SORCS2: variants seen among roughly 807,000 people sequenced by gnomAD.
The protein encoded by SORCS2 is sortilin related VPS10 domain containing receptor 2.
SORCS2 carries 100 observed loss-of-function variants against 141.6 expected under a neutral mutation model. The observed-to-expected ratio is 0.71, with a 90% confidence interval of 0.60 to 0.83. The LOEUF is 0.83. Among genes scored for constraint, SORCS2 ranks in the 40% least tolerant of loss-of-function variants. The pLI, the probability that SORCS2 is intolerant of heterozygous loss-of-function variation, is 0.00. For synonymous variants in SORCS2, 789 were observed against 676.9 expected (o/e 1.17, Z -2.57); for missense variants, 1,646 against 1,560.2 (o/e 1.05, Z -0.93).
At chr4:7,606,420 C>T (rs1409039811) in intron 3 of SORCS2, among the ~76,000 whole-genome samples, 3 of 152,180 alleles carry the variant, frequency 2.0e-5, no homozygotes, top group Non-Finnish European at 2.9e-5. Context: ...AACAGTTACA[C>T]AGTATCCTGG....
intron 14 of SORCS2, among the ~76,000 whole-genome samples, chr4:7,706,523 G>C (rs1725472865): frequency 7.1e-6 from 1 of 141,612 alleles, no homozygotes; most frequent in East Asian, 2.2e-4. Flanking sequence ...GATGAGGCTG[G>C]GCTCTGTCTG....
chr4:7,510,444 G>T (rs1013336718), intron 2 of SORCS2, among the ~76,000 whole-genome samples: 2 of 152,216 alleles, frequency 1.3e-5, no homozygotes, highest in Admixed American at 1.3e-4. Flanking sequence ...GGTTGGCCAG[G>T]ACAGCCGAGG....
chr4:7,376,487 G>A (rs1722664073), intron 1 of SORCS2, among the ~76,000 whole-genome samples: 1 of 152,176 alleles, frequency 6.6e-6, no homozygotes, highest in African/African-American at 2.4e-5. Flanking sequence ...TGAGGCAGGA[G>A]AATCGCTTGA....
At chr4:7,413,668 G>A (rs554068828) in intron 2 of SORCS2, among the ~76,000 whole-genome samples, 2 of 152,088 alleles carry the variant, frequency 1.3e-5, no homozygotes, top group African/African-American at 2.4e-5. Context: ...GATTACAGGC[G>A]TGAGCCACTG....
At chr4:7,357,841 G>C (rs556654774) in intron 1 of SORCS2, among the ~76,000 whole-genome samples, 1 of 152,182 alleles carries the variant, frequency 6.6e-6, no homozygotes, top group Admixed American at 6.5e-5. Flanking sequence ...TGTGTTTGGC[G>C]TGGGTGGGGG....
chr4:7,363,018 C>A (rs1721680434), intron 1 of SORCS2, among the ~76,000 whole-genome samples: 1 of 149,568 alleles, frequency 6.7e-6, no homozygotes, highest in South Asian at 2.1e-4. Flanking sequence ...ATCATCATCA[C>A]CATCACCATA....
chr4:7,588,317 G>A (rs1447073499), intron 3 of SORCS2, among the ~76,000 whole-genome samples: 2 of 152,172 alleles, frequency 1.3e-5, no homozygotes, highest in Non-Finnish European at 2.9e-5. Flanking sequence ...GAACTTTCAT[G>A]CGGTTGTTGG....
intron 2 of SORCS2, among the ~76,000 whole-genome samples, chr4:7,439,781 A>G (rs1185491454): frequency 3.9e-5 from 6 of 152,132 alleles, no homozygotes; most frequent in Non-Finnish European, 7.4e-5. Flanking sequence ...CTCACACTCT[A>G]TTTATCCACC....
In SORCS2 at chr4:7,740,397, A is replaced by G. The variant is rs1207846418; in HGVS notation, c.*133A>G. 28 of 778,954 alleles carry G rather than the reference A, an allele frequency of 3.6e-5. 1 individual carries two copies. Among genetic ancestry groups the G allele is most frequent in the Non-Finnish European group, 5.9e-5 (28 of 472,744 alleles). The allele number at this position is 778,954 out of a possible 1,614,324, so 48.3% of individuals were successfully genotyped here. On this transcript the variant is annotated 3_prime_UTR_variant, in exon 27 of 27. Coordinates refer to ENST00000507866, the MANE Select transcript of SORCS2 (RefSeq NM_020777.3). ...GTCGTCGCCACACCAGGCGACAGGCACCACCCCCTCTGATAAATCCAAGCC... is the reference window on the plus strand; with the variant it reads ...GTCGTCGCCACACCAGGCGACAGGCGCCACCCCCTCTGATAAATCCAAGCC...
intron 1 of SORCS2, among the ~76,000 whole-genome samples, chr4:7,282,056 C>T (rs191838430): frequency 1.1e-4 from 16 of 152,302 alleles, no homozygotes; most frequent in South Asian, 2.1e-4. Flanking sequence ...TGGCCCCCAC[C>T]GCACTCCAGA....
At chr4:7,638,624 T>TGG in intron 4 of SORCS2, 132 bp downstream of exon 4, 1 of 938,862 alleles carries the variant, frequency 1.1e-6, no homozygotes, top group Non-Finnish European at 1.5e-6. Flanking sequence ...CTCCCGGGGC[T>TGG]GGGGGCCGGG....
intron 2 of SORCS2, among the ~76,000 whole-genome samples, chr4:7,462,440 A>C (rs1729368238): frequency 6.6e-6 from 1 of 152,142 alleles, no homozygotes; most frequent in Admixed American, 6.5e-5. Flanking sequence ...TGCTTTTTAT[A>C]AGCCTATCAG....
chr4:7,310,814 TG>T (rs1256078819), intron 1 of SORCS2, among the ~76,000 whole-genome samples: 1 of 152,226 alleles, frequency 6.6e-6, no homozygotes, highest in African/African-American at 2.4e-5. Flanking sequence ...AAGATGTGAA[TG>T]AAACTGCTCC....
At chr4:7,722,152 G>A (rs956469125) in intron 18 of SORCS2, among the ~76,000 whole-genome samples, 1 of 152,200 alleles carries the variant, frequency 6.6e-6, no homozygotes, top group Non-Finnish European at 1.5e-5. Flanking sequence ...GGCCCCGAGA[G>A]GTGGCGCCTC....
chr4:7,193,629 T>C lies in SORCS2; in HGVS notation c.480+503T>C, dbSNP rs1230168439. 1.3e-5 allele frequency among the ~76,000 whole-genome samples: 2 copies of C among 152,214 alleles called. No individual in the cohort carries two copies. Among genetic ancestry groups the C allele is most frequent in the African/African-American group, 4.8e-5 (2 of 41,460 alleles). On this transcript the variant is annotated intron_variant, in intron 1 of 26. Coordinates refer to ENST00000507866, the MANE Select transcript of SORCS2 (RefSeq NM_020777.3). This position sits in a 1 kb window ranked among gnomAD's most constrained non-coding sequence, Gnocchi z 4.8. ...TCCCCGGTCAGCTCGAATCCTGTTC[T>C]GGGACTCTGGGATTTCTGGGTTACC...
chr4:7,638,217 C>G, intron 3 of SORCS2, 111 bp from the exon 4 acceptor site: 5 of 1,322,194 alleles, frequency 3.8e-6, no homozygotes, highest in Non-Finnish European at 5.1e-6. Flanking sequence ...TCACAACCCC[C>G]TTTCTGGTGT....
At chr4:7,611,599 T>C (rs999078522) in intron 3 of SORCS2, among the ~76,000 whole-genome samples, 1 of 152,172 alleles carries the variant, frequency 6.6e-6, no homozygotes, top group African/African-American at 2.4e-5. Context: ...GGGACCCTCA[T>C]GGCTTTGTCC....
chr4:7,726,830 C>G lies in SORCS2; in HGVS notation c.2796C>G (p.Gly932=), dbSNP rs371704709. 3.7e-6 allele frequency: 6 copies of G among 1,613,866 alleles called. No individual in the cohort carries two copies. Among genetic ancestry groups the G allele is most frequent in the Non-Finnish European group, 5.1e-6 (6 of 1,179,844 alleles). The stretch of plus-strand genomic sequence containing the variant: ...TGACAACGCGGTTTTCGGACACGGG[C>G]GACGTGCGTGTGACGGTGCAGGCCG... ...NSVTTRFSDT[G]DVRVTVQAAC... is the part of the protein sequence containing the mutation. The change falls in exon 21 of 27, where the codon GGC becomes GGG. Residue 932 remains glycine (G), a synonymous_variant. Coordinates refer to ENST00000507866, the MANE Select transcript of SORCS2 (RefSeq NM_020777.3).
chr4:7,209,923 T>C (rs1727965581), intron 1 of SORCS2, among the ~76,000 whole-genome samples: 1 of 152,220 alleles, frequency 6.6e-6, no homozygotes. Context: ...GGCCAGATCC[T>C]CTGCCGGGGG....
Sources: gnomAD v4.1 joint callset for allele counts (sites outside exome capture counted in the v4.1 genomes callset) on GRCh38, gnomAD v4.1.1 for gene constraint, Gnocchi (gnomAD v3.1) non-coding constraint, MANE v1.5 for transcripts, NCBI Gene and HGNC (gene_info 2026-07-23, HGNC 2026-07-21) for gene names.